The following KANK1 variants were observed in gnomAD, a reference collection of about 807,000 sequenced individuals.
The protein encoded by KANK1 is KN motif and ankyrin repeat domains 1.
KANK1 carries 109 observed loss-of-function variants against 106.2 expected under a neutral mutation model. The observed-to-expected ratio is 1.03, with a 90% confidence interval of 0.88 to 1.20. KANK1 has a LOEUF of 1.20. KANK1 is among the 50% of genes most tolerant of loss of function. The pLI is 0.00. For synonymous variants in KANK1, 873 were observed against 652.2 expected, an observed-to-expected ratio of 1.34 and a Z score of -5.16; for missense variants, 2,399 against 1,710.7, an observed-to-expected ratio of 1.40 and a Z score of -7.10.
In KANK1 at chr9:743,139, C is replaced by T. The variant is rs746665957; in HGVS notation, c.3897+734C>T. Among the ~76,000 whole-genome samples, 25 of 152,128 alleles carry T rather than the reference C, an allele frequency of 1.6e-4. 1 individual carries two copies. The highest frequency in any genetic ancestry group is 8.3e-4 in the South Asian group (4 of 4,824). On this transcript the variant is annotated intron_variant, in intron 10 of 11. Transcript: ENST00000382297. ...GAGATGGTGTAAAGGTCACAGAGGT[C>T]GGGTTGGCTTGGTTCCGTTTTTGAA...
upstream of KANK1, among the ~76,000 whole-genome samples, chr9:503,960 G>T (rs145443746): frequency 1.3e-5 from 2 of 152,162 alleles, no homozygotes; most frequent in Non-Finnish European, 2.9e-5. Flanking sequence ...TTCCGCCGAG[G>T]ACTCTGTCCT....
intron 1 of KANK1, among the ~76,000 whole-genome samples, chr9:505,104 G>A (rs1451093736): frequency 6.6e-6 from 1 of 152,074 alleles, no homozygotes; most frequent in South Asian, 2.1e-4. Flanking sequence ...CCGGCCGGCG[G>A]GAGGGTGCGG....
intron 3 of KANK1, among the ~76,000 whole-genome samples, chr9:718,804 A>G (rs1828468869): frequency 2.0e-5 from 3 of 152,130 alleles, no homozygotes; most frequent in African/African-American, 4.8e-5. Context: ...TAGAAACAAC[A>G]TATTTGTCCT....
Position 637,807 on chromosome 9 carries a change from A to C in KANK1, c.-83-39083A>C, listed in dbSNP as rs1011624757. On this transcript the variant is annotated intron_variant, in intron 1 of 11. Coordinates refer to ENST00000382297, the MANE Select transcript of KANK1 (RefSeq NM_015158.5). ...AGACTACCAATGTCATATATTTTAAAAACTATTAGACTGGGACAGATGGGA... is the reference window on the plus strand; with the variant it reads ...AGACTACCAATGTCATATATTTTAACAACTATTAGACTGGGACAGATGGGA... 6.6e-5 allele frequency among the ~76,000 whole-genome samples: 10 copies of C among 152,174 alleles called. 1 individual carries two copies. The highest frequency in any genetic ancestry group is 8.8e-5 in the Non-Finnish European group (6 of 68,026).
chr9:646,073 G>C (rs950502427), intron 1 of KANK1, among the ~76,000 whole-genome samples: 3 of 150,902 alleles, frequency 2.0e-5, no homozygotes, highest in Non-Finnish European at 4.4e-5. Context: ...ATCTAATAAA[G>C]TCTTTGTTTC....
chr9:590,790 T>G (rs910123341), intron 1 of KANK1, among the ~76,000 whole-genome samples: 1 of 151,896 alleles, frequency 6.6e-6, no homozygotes, highest in Admixed American at 6.5e-5. Context: ...GTTTCAGGAA[T>G]GTATTTTAAC....
chr9:737,958 C>A (rs112223861), intron 7 of KANK1, among the ~76,000 whole-genome samples: 105 of 152,268 alleles, frequency 6.9e-4, no homozygotes, highest in African/African-American at 2.4e-3. Context: ...GATGAGGAAA[C>A]GGAAGCAGAA....
In KANK1 at chr9:710,853, C is replaced by A. The variant is rs1487086331; in HGVS notation, c.87C>A (p.Asp29Glu). ...GAGACCAGGACAAGGAACAGAAAGA[C>A]CCTTACTTTGTGGAGACCCCCTATG... is the stretch of plus-strand genomic sequence containing the variant. ...LSGDQDKEQKDPYFVETPYGY... is the reference protein window; with the variant it reads ...LSGDQDKEQKEPYFVETPYGY... The change falls in exon 3 of 12, where the codon GAC (aspartate) becomes GAA (glutamate). Residue 29 changes from aspartate (D) to glutamate (E), a missense_variant. By Grantham distance (45) the Asp-to-Glu change is conservative. Transcript: ENST00000382297. 2.5e-6 allele frequency: 4 copies of A among 1,613,058 alleles called. No individual in the cohort carries two copies. The highest frequency in any genetic ancestry group is 1.1e-5 in the South Asian group (1 of 90,860).
At chr9:734,859 TC>T in intron 7 of KANK1, 24 bp downstream of exon 7, 2 of 1,552,200 alleles carry the variant, frequency 1.3e-6, no homozygotes, top group South Asian at 2.2e-5. Context: ...GCAAACACCA[TC>T]CCCAGTGTGT....
chr9:718,561 C>G (rs1245956798), intron 3 of KANK1, among the ~76,000 whole-genome samples: 1 of 152,122 alleles, frequency 6.6e-6, no homozygotes, highest in Non-Finnish European at 1.5e-5. Flanking sequence ...TCGCCTGCCT[C>G]AGCCTCCCAA....
intron 1 of KANK1, among the ~76,000 whole-genome samples, chr9:552,304 A>G (rs1385979508): frequency 6.6e-6 from 1 of 152,212 alleles, no homozygotes; most frequent in Admixed American, 6.5e-5. Context: ...AGAAGCAAGA[A>G]GACCAATTAG....
At chr9:498,732 C>A (rs2058497804) in intron 3 of KANK1, among the ~76,000 whole-genome samples, 1 of 152,184 alleles carries the variant, frequency 6.6e-6, no homozygotes, top group Non-Finnish European at 1.5e-5. Flanking sequence ...TGAGATACTA[C>A]TTCATAGCCA....
chr9:628,997 T>C (rs1448062842), intron 1 of KANK1, among the ~76,000 whole-genome samples: 2 of 150,366 alleles, frequency 1.3e-5, no homozygotes, highest in African/African-American at 4.9e-5. Context: ...GGAGAATCAC[T>C]TGAACCCAGG....
intron 2 of KANK1, among the ~76,000 whole-genome samples, chr9:679,360 ATATATG>A: frequency 6.6e-6 from 1 of 152,316 alleles, no homozygotes; most frequent in South Asian, 2.1e-4. Context: ...ATATACATAC[ATATATG>A]TATATACAAA....
At chr9:671,400 C>T (rs1563961828) in intron 1 of KANK1, among the ~76,000 whole-genome samples, 1 of 151,694 alleles carries the variant, frequency 6.6e-6, no homozygotes, top group Non-Finnish European at 1.5e-5. Flanking sequence ...AATCCCAGCC[C>T]TTTGGGAGGC....
chr9:498,072 C>G (rs933582448), intron 3 of KANK1, among the ~76,000 whole-genome samples: 2 of 152,132 alleles, frequency 1.3e-5, no homozygotes, highest in African/African-American at 4.8e-5. Flanking sequence ...CTGCAGCATA[C>G]CCAAGGCTCA....
At chr9:732,233 G>T in intron 5 of KANK1, 145 bp from the exon 6 acceptor site, 1 of 917,242 alleles carries the variant, frequency 1.1e-6, no homozygotes, top group Non-Finnish European at 1.6e-6. Context: ...CATTTAAATA[G>T]ACCTTACTTT....
intron 9 of KANK1, 84 bp from the exon 10 acceptor site, chr9:742,121 C>T (rs1286945482): frequency 8.6e-6 from 10 of 1,166,550 alleles, no homozygotes; most frequent in African/African-American, 1.5e-5. Context: ...ACACTCTTCC[C>T]CCTTTCCCTA....
chr9:598,723 T>G (rs1390174729), intron 1 of KANK1, among the ~76,000 whole-genome samples: 1 of 134,726 alleles, frequency 7.4e-6, no homozygotes, highest in Non-Finnish European at 1.5e-5. Context: ...CTCCTCCTCC[T>G]GGGTTCAAGC....
Sources: allele counts gnomAD v4.1 joint callset (sites outside exome capture counted in the v4.1 genomes callset), GRCh38; gene constraint gnomAD v4.1.1; transcripts MANE v1.5; gene names NCBI Gene and HGNC (gene_info 2026-07-23, HGNC 2026-07-21).